TINAG: variants seen among roughly 807,000 people sequenced by gnomAD.
TINAG encodes tubulointerstitial nephritis antigen.
TINAG carries 83 observed loss-of-function variants against 72.7 expected under a neutral mutation model. The ratio of observed to expected loss-of-function variants is 1.14; its 90% CI spans 0.96 to 1.37. The LOEUF (loss-of-function observed/expected upper bound fraction) is 1.37, where lower values mean the gene tolerates loss of function less well. Ranked by LOEUF, TINAG falls within the 40% of genes most tolerant of loss-of-function variation. TINAG has a pLI of 0.00. For synonymous variants in TINAG, 234 were observed against 189.9 expected (o/e 1.23, Z -1.91); for missense variants, 685 against 576.6 (o/e 1.19, Z -1.93).
intron 4 of TINAG, among the ~76,000 whole-genome samples, chr6:54,342,353 C>T (rs1161901756): frequency 6.6e-6 from 1 of 151,568 alleles, no homozygotes; most frequent in Non-Finnish European, 1.5e-5. Flanking sequence ...TTTCACACTT[C>T]CTGAAGTCTT....
chr6:54,319,560 A>G (rs554790839), intron 1 of TINAG, among the ~76,000 whole-genome samples: 1 of 152,194 alleles, frequency 6.6e-6, no homozygotes, highest in Non-Finnish European at 1.5e-5. Context: ...ACTGTGAAAC[A>G]TCCAGGGGAG....
chr6:54,355,218 A>G (rs746796408), intron 9 of TINAG, among the ~76,000 whole-genome samples: 1 of 151,932 alleles, frequency 6.6e-6, no homozygotes, highest in African/African-American at 2.4e-5. Flanking sequence ...TTATGAGACC[A>G]CTTTCCCAGC....
At chr6:54,311,780 A>G (rs371564696) in intron 1 of TINAG, among the ~76,000 whole-genome samples, 6 of 152,198 alleles carry the variant, frequency 3.9e-5, no homozygotes, top group Non-Finnish European at 5.9e-5. Flanking sequence ...TCATGTAGAC[A>G]TTAATCTTCC....
intron 7 of TINAG, among the ~76,000 whole-genome samples, chr6:54,350,133 GT>G (rs1465758174): frequency 6.6e-6 from 1 of 151,920 alleles, no homozygotes; most frequent in East Asian, 1.9e-4. Context: ...AGGAAATAGG[GT>G]TTTAAAATTA....
chr6:54,318,515 A>G (rs948819348), intron 1 of TINAG, among the ~76,000 whole-genome samples: 2 of 152,076 alleles, frequency 1.3e-5, no homozygotes, highest in Admixed American at 6.6e-5. Context: ...CACTACTATT[A>G]TGCTAATCCT....
Position 54,308,591 on chromosome 6 carries a change from C to A in TINAG, c.41C>A (p.Thr14Asn). ...AAGATCTTAATCTTCTCTTATCTTA[C>A]TACAGAAATCTGGATGGAGAAGCAG... ...GYKILIFSYL[T>N]TEIWMEKQYL... The change falls in exon 1 of 11, where the codon ACT (threonine) becomes AAT (asparagine). Residue 14 changes from threonine (T) to asparagine (N), a missense_variant. By Grantham distance (65) the Thr-to-Asn change is moderately conservative. Coordinates refer to ENST00000259782, the MANE Select transcript of TINAG (RefSeq NM_014464.4). The A allele has an allele frequency of 6.2e-7, 1 of 1,613,122 alleles. No individual in the cohort carries two copies. The highest frequency in any genetic ancestry group is 8.5e-7 in the Non-Finnish European group (1 of 1,179,618).
At chr6:54,325,619 C>G (rs529737370) in intron 3 of TINAG, among the ~76,000 whole-genome samples, 1 of 152,246 alleles carries the variant, frequency 6.6e-6, no homozygotes, top group Admixed American at 6.5e-5. Context: ...CTTTCTTAAA[C>G]TATCACCCTG....
chr6:54,332,810 A>G (rs1562156180), intron 4 of TINAG, among the ~76,000 whole-genome samples: 1 of 152,228 alleles, frequency 6.6e-6, no homozygotes, highest in Non-Finnish European at 1.5e-5. Context: ...GGCAAAGGAC[A>G]TGAACAGACA....
chr6:54,360,389 G>T (rs1452110667), intron 9 of TINAG, among the ~76,000 whole-genome samples: 2 of 151,586 alleles, frequency 1.3e-5, no homozygotes, highest in African/African-American at 4.8e-5. Context: ...ATTAAACTAA[G>T]AAACTCCATC....
intron 1 of TINAG, among the ~76,000 whole-genome samples, chr6:54,317,562 C>A (rs769262660): frequency 1.3e-5 from 2 of 152,164 alleles, no homozygotes; most frequent in African/African-American, 2.4e-5. Flanking sequence ...CCTCCTCAGC[C>A]ATGTGGAACT....
chr6:54,379,830 T>C (rs1193205188), intron 9 of TINAG, among the ~76,000 whole-genome samples: 5 of 151,848 alleles, frequency 3.3e-5, no homozygotes, highest in Admixed American at 6.6e-5. Context: ...GTGTAGAACG[T>C]GCAGGTTTGT....
At position 54,310,639 on chromosome 6, in the gene TINAG, CCT is replaced by C. The variant is rs1325208348; in HGVS notation, c.355+1739_355+1740del. ...TCTCTCTCCCCTTCCTTCCTTCCTC[CCT>C]CTCTTTCTTTCTCTTTCTTTTTCTC... On this transcript the variant is annotated intron_variant, in intron 1 of 10. Coordinates refer to ENST00000259782, the MANE Select transcript of TINAG (RefSeq NM_014464.4). Among the ~76,000 whole-genome samples the C allele has an allele frequency of 7.0e-5, 10 of 143,354 alleles. No individual in the cohort carries two copies. In the East Asian group the frequency reaches 8.9e-4, roughly 13 times the overall value. The allele number at this position is 143,354 out of a possible 152,430, so 94.0% of individuals were successfully genotyped here. A position where few individuals can be genotyped will look rare whatever the true frequency, so the allele number is the denominator to read the frequency against.
At chr6:54,324,459 G>T (rs143147760) in intron 3 of TINAG, among the ~76,000 whole-genome samples, 3 of 152,280 alleles carry the variant, frequency 2.0e-5, no homozygotes, top group African/African-American at 7.2e-5. Flanking sequence ...ATGCTTGAAA[G>T]TTTCATGATA....
At chr6:54,359,042 A>G (rs1041121916) in intron 9 of TINAG, among the ~76,000 whole-genome samples, 6 of 151,974 alleles carry the variant, frequency 3.9e-5, no homozygotes, top group African/African-American at 1.4e-4. Context: ...GTACAGAACA[A>G]AAGGTTTTTT....
At chr6:54,356,897 T>C (rs1763058961) in intron 9 of TINAG, among the ~76,000 whole-genome samples, 1 of 139,768 alleles carries the variant, frequency 7.2e-6, no homozygotes, top group Admixed American at 7.1e-5. Context: ...ACCATACAAA[T>C]AGTGTTGTTA....
intron 10 of TINAG, among the ~76,000 whole-genome samples, chr6:54,385,095 GAAAAGAATAATT>G (rs1764061275): frequency 6.6e-6 from 1 of 151,696 alleles, no homozygotes. Flanking sequence ...TTAAAAGGTT[GAAAAGAATAATT>G]CAATAAGCTG....
chr6:54,316,818 A>G (rs1306327382), intron 1 of TINAG, among the ~76,000 whole-genome samples: 1 of 152,206 alleles, frequency 6.6e-6, no homozygotes, highest in Non-Finnish European at 1.5e-5. Flanking sequence ...GTAATATACT[A>G]TGATGAATTA....
At position 54,326,824 on chromosome 6, in the gene TINAG, C is replaced by T. The variant is rs767717113; in HGVS notation, c.532C>T (p.Gln178Ter). ...CAGATGGACAGCACAGAATTACAGC[C>T]AATTTTGGGGAATGACTTTAGAAGA... The part of the protein sequence containing the change: ...DYGWTAQNYS[Q>*]FWGMTLEDGF... The change falls in exon 4 of 11, where the codon CAA becomes TAA. Residue 178 changes from glutamine (Q) to a stop codon, truncating the protein, a stop_gained. Coordinates refer to ENST00000259782, the MANE Select transcript of TINAG (RefSeq NM_014464.4). LOFTEE classifies it high-confidence loss of function. The T allele has an allele frequency of 6.2e-7, 1 of 1,610,674 alleles. No homozygotes were observed. The highest frequency in any genetic ancestry group is 1.1e-5 in the South Asian group (1 of 89,980).
intron 9 of TINAG, chr6:54,365,469 A>G (rs1763378538): frequency 6.6e-6 from 1 of 151,376 alleles, no homozygotes; most frequent in South Asian, 2.1e-4. Context: ...AGCTCTTCCC[A>G]TTTTCTTGAT....
Sources: allele counts gnomAD v4.1 joint callset (sites outside exome capture counted in the v4.1 genomes callset), GRCh38; gene constraint gnomAD v4.1.1; transcripts MANE v1.5; gene names NCBI Gene and HGNC (gene_info 2026-07-23, HGNC 2026-07-21).